COMMD10: variants seen among roughly 807,000 people sequenced by gnomAD.
COMMD10 encodes the protein COMM domain containing 10.
A neutral mutation model predicts 28.9 loss-of-function variants in COMMD10; 33 were observed. The observed-to-expected ratio is 1.14, with a 90% CI of 0.87 to 1.53. The LOEUF is 1.53. Ranked by LOEUF, COMMD10 falls within the 40% of genes most tolerant of loss-of-function variation. The pLI is 0.00. For missense variants in COMMD10, 310 were observed against 233.4 expected, an observed-to-expected ratio of 1.33 and a Z score of -2.14; for synonymous variants, 110 against 81.7, an observed-to-expected ratio of 1.35 and a Z score of -1.87.
intron 4 of COMMD10, among the ~76,000 whole-genome samples, chr5:116,095,041 T>A (rs1171389882): frequency 1.3e-5 from 2 of 151,858 alleles, no homozygotes. Context: ...GGTCGGAGGG[T>A]GGATGAGTAG....
chr5:116,251,292 T>G (rs1362493404), intron 5 of COMMD10, among the ~76,000 whole-genome samples: 1 of 149,342 alleles, frequency 6.7e-6, no homozygotes, highest in Non-Finnish European at 1.5e-5. Flanking sequence ...ATTTATTTAT[T>G]TATTTATTTA....
chr5:116,273,029 T>G (rs754419379), intron 5 of COMMD10, among the ~76,000 whole-genome samples: 15 of 151,866 alleles, frequency 9.9e-5, no homozygotes, highest in Non-Finnish European at 1.8e-4. Flanking sequence ...CAAGTCTTTA[T>G]AAAACATCAA....
chr5:116,251,177 C>G (rs748852870), intron 5 of COMMD10, among the ~76,000 whole-genome samples: 11 of 151,818 alleles, frequency 7.2e-5, no homozygotes, highest in Non-Finnish European at 1.5e-4. Context: ...CTTGATTTTT[C>G]CATTATGTTC....
chr5:116,154,036 T>A (rs1752624849), intron 5 of COMMD10, among the ~76,000 whole-genome samples: 1 of 152,030 alleles, frequency 6.6e-6, no homozygotes. Context: ...AGGCAAGAGG[T>A]CAGCTGAGAT....
intron 5 of COMMD10, among the ~76,000 whole-genome samples, chr5:116,240,648 A>T (rs530334324): frequency 1.3e-5 from 2 of 152,310 alleles, no homozygotes; most frequent in African/African-American, 4.8e-5. Context: ...CTGCTTCGGT[A>T]TCCTAGGCAA....
intron 5 of COMMD10, among the ~76,000 whole-genome samples, chr5:116,205,009 T>G (rs1748774901): frequency 6.6e-6 from 1 of 152,156 alleles, no homozygotes; most frequent in Non-Finnish European, 1.5e-5. Flanking sequence ...AAACTTGCCA[T>G]CTCTGTTAGA....
intron 5 of COMMD10, among the ~76,000 whole-genome samples, chr5:116,138,744 A>G (rs569712962): frequency 2.0e-5 from 3 of 151,836 alleles, no homozygotes; most frequent in African/African-American, 7.2e-5. Context: ...AGTAATTATG[A>G]TTTTGAATGA....
intron 5 of COMMD10, among the ~76,000 whole-genome samples, chr5:116,216,652 G>A (rs1749110126): frequency 2.0e-5 from 3 of 152,084 alleles, no homozygotes; most frequent in African/African-American, 7.2e-5. Context: ...CCCTGCCTCA[G>A]CCTCCCGAGT....
chr5:116,096,993 T>G (rs6876901), intron 4 of COMMD10, among the ~76,000 whole-genome samples: 77,855 of 151,802 alleles, frequency 0.51, 22,147 homozygotes, highest in Non-Finnish European at 0.65. Context: ...TTCCTTGCAC[T>G]TTAGTAGTCA....
rs77205474 is a variant in COMMD10 at position 116,102,446 on chromosome 5, T to C, written c.399+9746T>C. 6.8e-3 allele frequency among the ~76,000 whole-genome samples: 1,041 copies of C among 152,290 alleles called. 4 individuals are homozygous for C. Among genetic ancestry groups the C allele is most frequent in the Non-Finnish European group, 0.01 (683 of 68,018 alleles). On this transcript the variant is annotated intron_variant, in intron 4 of 6. Transcript: ENST00000274458. ...ATCTTTATACTAGTACCATGCTGTT[T>C]TGGTTATTATAGCCTTGCAGTTTAA...
At position 116,085,026 on chromosome 5, in the gene COMMD10, G is replaced by C. The variant is rs367887177; in HGVS notation, c.-27G>C. 2.8e-4 allele frequency: 456 copies of C among 1,601,368 alleles called. No individual in the cohort carries two copies. In the Middle Eastern group the frequency reaches 8.7e-3, roughly 31 times the overall value. ...TTGGCTGGGTTCGGCGCAGCTAACA[G>C]ACGGCGGCAGTGCGAGAAAGCCGAA... is the stretch of plus-strand genomic sequence containing the variant. On this transcript the variant is annotated 5_prime_UTR_variant, in exon 1 of 7. Transcript: ENST00000274458.
chr5:116,190,109 A>C (rs1362705520), intron 5 of COMMD10, among the ~76,000 whole-genome samples: 1 of 152,138 alleles, frequency 6.6e-6, no homozygotes, highest in East Asian at 1.9e-4. Context: ...CCTCCACTGA[A>C]AGATAGCTAT....
intron 5 of COMMD10, among the ~76,000 whole-genome samples, chr5:116,154,655 G>C (rs947576082): frequency 6.6e-6 from 1 of 151,994 alleles, no homozygotes; most frequent in Non-Finnish European, 1.5e-5. Context: ...GCCCAAAGTC[G>C]TATACATAGG....
intron 5 of COMMD10, among the ~76,000 whole-genome samples, chr5:116,146,610 C>G (rs1407029051): frequency 1.3e-5 from 2 of 151,840 alleles, no homozygotes; most frequent in African/African-American, 2.4e-5. Context: ...CACTTCTTTC[C>G]TGGCATAGTT....
chr5:116,240,698 G>A (rs1749787852), intron 5 of COMMD10, among the ~76,000 whole-genome samples: 2 of 152,116 alleles, frequency 1.3e-5, no homozygotes, highest in African/African-American at 4.8e-5. Flanking sequence ...AATCACTAGT[G>A]TCAAGTGACA....
chr5:116,219,423 A>C (rs1420913259), intron 5 of COMMD10, among the ~76,000 whole-genome samples: 2 of 151,976 alleles, frequency 1.3e-5, no homozygotes, highest in Non-Finnish European at 2.9e-5. Context: ...TTGGGAGACT[A>C]TCCCGGGTTA....
Position 116,260,576 on chromosome 5 carries a change from A to G in COMMD10, c.511-30941A>G, listed in dbSNP as rs181765304. ...TTCATGTACTTTAATGGAGATCACA[A>G]AAGGACTTCACTGTCTTGTTCTATG... is the stretch of plus-strand genomic sequence containing the variant. On this transcript the variant is annotated intron_variant, in intron 5 of 6. Transcript: ENST00000274458. 1.8e-4 allele frequency among the ~76,000 whole-genome samples: 27 copies of G among 151,954 alleles called. 1 individual carries two copies. Among genetic ancestry groups the G allele is most frequent in the African/African-American group, 5.3e-4 (22 of 41,324 alleles).
intron 4 of COMMD10, among the ~76,000 whole-genome samples, chr5:116,116,798 A>C (rs959873814): frequency 1.3e-5 from 2 of 149,528 alleles, no homozygotes; most frequent in Admixed American, 6.8e-5. Flanking sequence ...GGCTCACTGC[A>C]AGCTCCGCTT....
At chr5:116,106,342 G>A (rs1046710710) in intron 4 of COMMD10, among the ~76,000 whole-genome samples, 7 of 151,980 alleles carry the variant, frequency 4.6e-5, no homozygotes, top group African/African-American at 1.7e-4. Context: ...AGTGTGGTCC[G>A]ACAGAGTGTT....
Sources: allele counts gnomAD v4.1 joint callset (sites outside exome capture counted in the v4.1 genomes callset), GRCh38; gene constraint gnomAD v4.1.1; transcripts MANE v1.5; gene names NCBI Gene and HGNC (gene_info 2026-07-23, HGNC 2026-07-21).